The following MED27 variants were observed in gnomAD, a reference collection of about 807,000 sequenced individuals.
MED27 encodes mediator of RNA polymerase II transcription subunit 27.
Under a neutral mutation model 38.2 loss-of-function variants are expected in MED27, and 30 were observed. The observed-to-expected ratio is 0.79, with a 90% CI of 0.59 to 1.07. The LOEUF is 1.07. MED27 is among the 50% of genes least tolerant of loss of function. The pLI, the probability that MED27 is intolerant of heterozygous loss-of-function variation, is 0.00. For missense variants in MED27, 289 were observed against 397.5 expected (o/e 0.73, Z 2.32); for synonymous variants, 122 against 153.5 (o/e 0.79, Z 1.52).
intron 3 of MED27, among the ~76,000 whole-genome samples, chr9:132,010,199 G>A (rs1231374519): frequency 6.6e-6 from 1 of 152,150 alleles, no homozygotes; most frequent in Non-Finnish European, 1.5e-5. Flanking sequence ...ATGGTTTTAG[G>A]TCTAACATTT....
chr9:131,944,245 G>T (rs969341180), intron 3 of MED27, among the ~76,000 whole-genome samples: 2 of 152,088 alleles, frequency 1.3e-5, no homozygotes, highest in South Asian at 2.1e-4. Flanking sequence ...GACCTCAGAG[G>T]TCCTCTCATC....
At chr9:132,000,275 C>A (rs552237384) in intron 3 of MED27, among the ~76,000 whole-genome samples, 1 of 151,918 alleles carries the variant, frequency 6.6e-6, no homozygotes, top group African/African-American at 2.4e-5. Context: ...TTACTCATTA[C>A]GGAAATTCAT....
chr9:131,860,803 C>A lies in MED27; in HGVS notation c.802-131G>T, dbSNP rs1838640006. Reference sequence around the variant, plus strand: ...CCCCAGAAGATGCCCTGTGATTTCACAGGGAGCAGCAGGCGGAACCCACAA... The same window carrying A: ...CCCCAGAAGATGCCCTGTGATTTCAAAGGGAGCAGCAGGCGGAACCCACAA... On this transcript the variant is annotated intron_variant, in intron 7 of 7. Coordinates refer to ENST00000292035, the MANE Select transcript of MED27 (RefSeq NM_004269.4). The surrounding 1 kb of genome is among the most constrained non-coding windows in gnomAD (Gnocchi z 5.8). 2 of 994,552 alleles carry A rather than the reference C, an allele frequency of 2.0e-6. No individual in the cohort carries two copies. Among genetic ancestry groups the A allele is most frequent in the Admixed American group, 4.9e-5 (2 of 40,744 alleles). The allele number at this position is 994,552 out of a possible 1,614,324, so 61.6% of individuals were successfully genotyped here. A position where few individuals can be genotyped will look rare whatever the true frequency, so the allele number is the denominator to read the frequency against.
intron 3 of MED27, among the ~76,000 whole-genome samples, chr9:131,973,433 C>CTTT (rs1356322185): frequency 1.3e-5 from 2 of 149,266 alleles, no homozygotes; most frequent in Non-Finnish European, 3.0e-5. Context: ...AGAGGCTTCC[C>CTTT]TTTTCTTTTT....
At chr9:132,058,909 T>A (rs1833640141) in intron 2 of MED27, among the ~76,000 whole-genome samples, 1 of 152,200 alleles carries the variant, frequency 6.6e-6, no homozygotes, top group African/African-American at 2.4e-5. Context: ...TCTTTCTTAG[T>A]GGTACAAAGA....
chr9:132,042,454 T>A (rs1277209959), intron 2 of MED27, among the ~76,000 whole-genome samples: 6 of 148,162 alleles, frequency 4.0e-5, no homozygotes, highest in South Asian at 4.1e-4. Flanking sequence ...CCAAGAGGTA[T>A]GAGACTTCAA....
chr9:131,879,574 C>G (rs1232106924), intron 6 of MED27, among the ~76,000 whole-genome samples: 1 of 152,218 alleles, frequency 6.6e-6, no homozygotes, highest in Non-Finnish European at 1.5e-5. Context: ...CCACCACTGT[C>G]AGGACATCTG....
intron 4 of MED27, among the ~76,000 whole-genome samples, chr9:131,919,811 CTTTT>C (rs34501268): frequency 7.1e-6 from 1 of 141,690 alleles, no homozygotes; most frequent in Non-Finnish European, 1.5e-5. Context: ...ATTCTTCTTC[CTTTT>C]TTTTTTTTTT....
At chr9:131,950,860 C>CT (rs749662987) in intron 3 of MED27, among the ~76,000 whole-genome samples, 3 of 152,178 alleles carry the variant, frequency 2.0e-5, no homozygotes, top group Non-Finnish European at 2.9e-5. Flanking sequence ...TTTAAGTAGA[C>CT]TGAATCAAAG....
At chr9:132,015,498 T>C (rs902642163) in intron 2 of MED27, among the ~76,000 whole-genome samples, 4 of 152,186 alleles carry the variant, frequency 2.6e-5, no homozygotes, top group African/African-American at 9.7e-5. Flanking sequence ...TAAAATATAA[T>C]ATGCACATTT....
chr9:131,922,630 T>C (rs1215370621), intron 4 of MED27, among the ~76,000 whole-genome samples: 4 of 128,282 alleles, frequency 3.1e-5, no homozygotes, highest in Admixed American at 8.0e-5. Context: ...TATTTTTATT[T>C]TTTTCTTTTC....
At chr9:131,906,817 A>G (rs1235035498) in intron 4 of MED27, among the ~76,000 whole-genome samples, 1 of 152,210 alleles carries the variant, frequency 6.6e-6, no homozygotes, top group Non-Finnish European at 1.5e-5. Context: ...CAGGCTGCTC[A>G]ACTGACTATA....
chr9:131,881,582 C>T (rs1369221844), intron 6 of MED27, among the ~76,000 whole-genome samples: 3 of 152,164 alleles, frequency 2.0e-5, no homozygotes, highest in East Asian at 1.9e-4. Context: ...TTTAGATTTA[C>T]AGAAAAGCTG....
chr9:132,005,510 C>T (rs1030098287), intron 3 of MED27, among the ~76,000 whole-genome samples: 2 of 152,106 alleles, frequency 1.3e-5, no homozygotes, highest in Non-Finnish European at 2.9e-5. Flanking sequence ...TGCTCCTGAC[C>T]GTTCATGAGC....
chr9:132,059,855 T>C (rs1833661364), intron 2 of MED27, among the ~76,000 whole-genome samples: 1 of 152,226 alleles, frequency 6.6e-6, no homozygotes, highest in Non-Finnish European at 1.5e-5. Context: ...CAATGCTCAC[T>C]AATAAATTTC....
rs1033271269 is a variant in MED27, at chr9:131,889,148, C to T, written c.681+4737G>A. On this transcript the variant is annotated intron_variant, in intron 5 of 7. Coordinates refer to ENST00000292035, the MANE Select transcript of MED27 (RefSeq NM_004269.4). This position sits in a 1 kb window ranked among gnomAD's most constrained non-coding sequence, Gnocchi z 4.2. ...TATTAGAGAAATCAGATTCAGCTCC[C>T]CACCCCCTCGACCCACATGCACACA... is the stretch of plus-strand genomic sequence containing the variant. Among the ~76,000 whole-genome samples the T allele has an allele frequency of 2.0e-5, 3 of 152,166 alleles. No individual in the cohort carries two copies. The highest frequency in any genetic ancestry group is 2.0e-4 in the Admixed American group (3 of 15,274).
intron 2 of MED27, among the ~76,000 whole-genome samples, chr9:132,036,436 A>G (rs981012172): frequency 2.6e-5 from 4 of 152,214 alleles, no homozygotes; most frequent in African/African-American, 9.6e-5. Context: ...TCCTGGCCTC[A>G]AGACATCCTC....
At chr9:131,908,143 C>CT in intron 4 of MED27, among the ~76,000 whole-genome samples, 1 of 146,950 alleles carries the variant, frequency 6.8e-6, no homozygotes, top group East Asian at 2.1e-4. Context: ...GTCAGCCCCC[C>CT]GCTCGGCCAG....
chr9:131,977,407 G>T (rs1007716763), intron 3 of MED27, among the ~76,000 whole-genome samples: 2 of 152,198 alleles, frequency 1.3e-5, no homozygotes, highest in African/African-American at 4.8e-5. Flanking sequence ...CATTTTCCTT[G>T]TCTGTAAGAG....
Sources: gnomAD v4.1 joint callset for allele counts (sites outside exome capture counted in the v4.1 genomes callset) on GRCh38, gnomAD v4.1.1 for gene constraint, Gnocchi (gnomAD v3.1) non-coding constraint, MANE v1.5 for transcripts, NCBI Gene and HGNC (gene_info 2026-07-23, HGNC 2026-07-21) for gene names.